Variants in PTPN21 observed in about 807,000 individuals in gnomAD.
PTPN21 encodes the protein tyrosine-protein phosphatase non-receptor type 21.
In PTPN21, 77 loss-of-function variants were observed where a neutral mutation model predicts 131.8. That is an observed-to-expected ratio of 0.58 (90% CI 0.49 to 0.71). PTPN21 has a LOEUF of 0.71. Among genes scored for constraint, PTPN21 ranks in the 30% least tolerant of loss-of-function variants. The pLI, the probability that PTPN21 is intolerant of heterozygous loss-of-function variation, is 0.00. For missense variants in PTPN21, 1,552 were observed against 1,527.1 expected (o/e 1.02, Z -0.27); for synonymous variants, 715 against 621.3 (o/e 1.15, Z -2.24).
Position 88,469,196 on chromosome 14 carries a change from A to C in PTPN21, c.3236-120T>G. ...CTGCAGATAAAGAGCACTGGGTGCC[A>C]GTGAACCAAACCCAACCACAAAGGG... On this transcript the variant is annotated intron_variant, in intron 17 of 18. Coordinates refer to ENST00000556564, the MANE Select transcript of PTPN21 (RefSeq NM_007039.4). This position sits in a 1 kb window ranked among gnomAD's most constrained non-coding sequence, Gnocchi z 4.3. The C allele has an allele frequency of 8.6e-7, 1 of 1,158,024 alleles. No homozygotes were observed. The highest frequency in any genetic ancestry group is 1.2e-6 in the Non-Finnish European group (1 of 832,196). 71.7% of individuals were successfully genotyped at this position (1,158,024 alleles called of 1,614,324 possible).
At chr14:88,539,130 C>A (rs1488118322) in intron 2 of PTPN21, among the ~76,000 whole-genome samples, 1 of 151,704 alleles carries the variant, frequency 6.6e-6, no homozygotes, top group Non-Finnish European at 1.5e-5. Flanking sequence ...GTTGCCCAGG[C>A]TGGAGTGCAA....
chr14:88,474,122 G>T (rs1367244422), intron 13 of PTPN21, among the ~76,000 whole-genome samples: 1 of 75,108 alleles, frequency 1.3e-5, no homozygotes, highest in East Asian at 3.7e-4. Flanking sequence ...TAACAAATCA[G>T]CTGAAGTCCA....
Position 88,469,636 on chromosome 14 carries a change from C to A in PTPN21, c.3098G>T (p.Arg1033Leu), listed in dbSNP as rs752596905. 15 of 1,614,026 alleles carry A rather than the reference C, an allele frequency of 9.3e-6. No individual in the cohort carries two copies. Among genetic ancestry groups the A allele is most frequent in the Non-Finnish European group, 1.3e-5 (15 of 1,180,034 alleles). ...GGTGGCATAGCAGCCAGAGTCTGTG[C>A]GGAACCGGGTCGTGATCTTAAACCT... ...YGRFKITTRF[R>L]TDSGCYATTG... is the part of the protein sequence containing the mutation. Residue 1033 changes from arginine (R) to leucine (L), a missense_variant, in exon 17 of 19, where the codon CGC becomes CTC. By Grantham distance (102) the Arg-to-Leu change is moderately radical. This residue lies in a region of PTPN21 where 316 missense variants were observed against 378.5 expected (regional missense o/e 0.83). Coordinates refer to ENST00000556564, the MANE Select transcript of PTPN21 (RefSeq NM_007039.4). The surrounding 1 kb of genome is among the most constrained non-coding windows in gnomAD (Gnocchi z 4.3).
At chr14:88,476,790 A>G (rs560315388) in intron 13 of PTPN21, among the ~76,000 whole-genome samples, 2 of 152,186 alleles carry the variant, frequency 1.3e-5, no homozygotes, top group Non-Finnish European at 2.9e-5. Flanking sequence ...CCTTAAGTAG[A>G]ATCCTTTAAG....
chr14:88,530,166 C>G (rs2078534774), intron 2 of PTPN21, among the ~76,000 whole-genome samples: 1 of 151,632 alleles, frequency 6.6e-6, no homozygotes, highest in Admixed American at 6.6e-5. Context: ...AATTCTGTAT[C>G]CAGCAAAACC....
At chr14:88,533,874 T>C (rs2078589077) in intron 2 of PTPN21, among the ~76,000 whole-genome samples, 1 of 151,110 alleles carries the variant, frequency 6.6e-6, no homozygotes, top group Non-Finnish European at 1.5e-5. Context: ...CTCTTTCAAA[T>C]AAAAAAAACA....
In PTPN21 at chr14:88,473,780, T is replaced by A. The variant is rs1292688548; in HGVS notation, c.2534A>T (p.Asp845Val). 1 of 1,608,046 alleles carries A rather than the reference T, an allele frequency of 6.2e-7. No homozygotes were observed. The highest frequency in any genetic ancestry group is 8.5e-7 in the Non-Finnish European group (1 of 1,178,640). The change falls in exon 14 of 19, where the codon GAT becomes GTT. Residue 845 changes from aspartate (D) to valine (V), a missense_variant. This residue lies in a region of PTPN21 where 1,016 missense variants were observed against 883.5 expected (regional missense o/e 1.15). Coordinates refer to ENST00000556564, the MANE Select transcript of PTPN21 (RefSeq NM_007039.4). ...PLGGMKKTRVDAKKIGPLKLA... is the reference protein window; with the variant it reads ...PLGGMKKTRVVAKKIGPLKLA... ...TTTAAGAGGACCAATTTTTTTTGCA[T>A]CTACTCGAGTCTTTTTCATTCCCTG...
In PTPN21 at chr14:88,469,425, G is replaced by C; in HGVS notation, c.3235+74C>G. The C allele has an allele frequency of 7.8e-7, 1 of 1,279,566 alleles. No homozygotes were observed. Among genetic ancestry groups the C allele is most frequent in the East Asian group, 2.3e-5 (1 of 43,034 alleles). 79.3% of individuals were successfully genotyped at this position (1,279,566 alleles called of 1,614,324 possible). A position where few individuals can be genotyped will look rare whatever the true frequency, so the allele number is the denominator to read the frequency against. The stretch of plus-strand genomic sequence containing the variant: ...TGAGATAACATAAAGGAAATATTTC[G>C]GAAACATAAATGTTCCTCTCTGTTT... On this transcript the variant is annotated intron_variant, in intron 17 of 18. Transcript: ENST00000556564. This position sits in a 1 kb window ranked among gnomAD's most constrained non-coding sequence, Gnocchi z 4.3.
rs1242230610 is a variant in PTPN21 at position 88,468,258 on chromosome 14, T to C, written c.3404A>G (p.Asp1135Gly). ...CAGCATGTCCAGCACTCTCGGGATG[T>C]CCAGCACCTAGGTTGAGAGAAACGG... ...IACLEHNEVL[D>G]IPRVLDMLRQ... The change falls in exon 19 of 19, where the codon GAC becomes GGC. Residue 1135 changes from aspartate (D) to glycine (G), a missense_variant. Physicochemically the swap from Asp to Gly is moderately conservative, Grantham distance 94 (BLOSUM62 -1). Around this residue, in one of 4 missense-constraint regions of PTPN21, gnomAD observed 316 missense variants for 378.5 expected, o/e 0.83. Coordinates refer to ENST00000556564, the MANE Select transcript of PTPN21 (RefSeq NM_007039.4). 6.3e-7 allele frequency: 1 copy of C among 1,599,872 alleles called. No individual in the cohort carries two copies. The highest frequency in any genetic ancestry group is 2.2e-5 in the East Asian group (1 of 44,738).
chr14:88,511,448 GGATCAC>G (rs1260990959), intron 3 of PTPN21, among the ~76,000 whole-genome samples: 1 of 152,080 alleles, frequency 6.6e-6, no homozygotes, highest in Non-Finnish European at 1.5e-5. Context: ...TGAGGCAGGT[GGATCAC>G]GAGGTCAGAA....
rs139384507 is a variant in PTPN21, at chr14:88,523,548, A to G, written c.181-6287T>C. Among the ~76,000 whole-genome samples, 341 of 152,336 alleles carry G rather than the reference A, an allele frequency of 2.2e-3. 3 individuals carry two copies. Among genetic ancestry groups the G allele is most frequent in the Non-Finnish European group, 1.9e-3 (129 of 68,032 alleles). On this transcript the variant is annotated intron_variant, in intron 2 of 18. Coordinates refer to ENST00000556564, the MANE Select transcript of PTPN21 (RefSeq NM_007039.4). ...CCCTAAGATCAGTAACAAGACAAGG[A>G]TGCCCATGTTCACCACTGCCATTTG...
At chr14:88,495,500 A>C (rs1175656473) in intron 10 of PTPN21, among the ~76,000 whole-genome samples, 1 of 152,162 alleles carries the variant, frequency 6.6e-6, no homozygotes, top group Non-Finnish European at 1.5e-5. Context: ...GTCTCTACTA[A>C]AAATACAAAA....
chr14:88,506,144 A>G (rs1325401345), intron 4 of PTPN21, among the ~76,000 whole-genome samples: 2 of 152,118 alleles, frequency 1.3e-5, no homozygotes, highest in African/African-American at 4.8e-5. Context: ...GTCTGAGACC[A>G]GCCTAGCAAC....
intron 2 of PTPN21, among the ~76,000 whole-genome samples, chr14:88,540,500 A>G (rs2139353865): frequency 6.6e-6 from 1 of 152,332 alleles, no homozygotes; most frequent in Middle Eastern, 3.4e-3. Flanking sequence ...TCCATTGAGC[A>G]CCAAAACTTT....
chr14:88,486,766 C>G (rs896880922), intron 10 of PTPN21, among the ~76,000 whole-genome samples: 5 of 152,006 alleles, frequency 3.3e-5, no homozygotes, highest in African/African-American at 1.2e-4. Flanking sequence ...CACCTGAAGT[C>G]AGGAGTTCGA....
At chr14:88,540,780 A>G (rs887257294) in intron 2 of PTPN21, among the ~76,000 whole-genome samples, 5 of 152,202 alleles carry the variant, frequency 3.3e-5, no homozygotes, top group South Asian at 4.2e-4. Flanking sequence ...CTCCCACCTC[A>G]GCCTCTAGAG....
At chr14:88,520,660 T>C (rs894872072) in intron 2 of PTPN21, among the ~76,000 whole-genome samples, 1 of 152,148 alleles carries the variant, frequency 6.6e-6, no homozygotes, top group Non-Finnish European at 1.5e-5. Context: ...TAGAAAGAGC[T>C]TGATGCTTAA....
At position 88,467,191 on chromosome 14, in the gene PTPN21, A is replaced by T. The variant is rs1173773368; in HGVS notation, c.*946T>A. The T allele has an allele frequency of 6.7e-6, 1 of 149,426 alleles. No homozygotes were observed. The highest frequency in any genetic ancestry group is 6.6e-5 in the Admixed American group (1 of 15,140). 9.3% of individuals were successfully genotyped at this position (149,426 alleles called of 1,614,324 possible). On this transcript the variant is annotated 3_prime_UTR_variant, in exon 19 of 19. Transcript: ENST00000556564. The stretch of plus-strand genomic sequence containing the variant: ...TCATCTTACATACTCTTAGTCCTTA[A>T]TCTCTCCCAAAACGCTTCTCAGCGC...
At chr14:88,474,861 G>C (rs2140089737) in intron 13 of PTPN21, among the ~76,000 whole-genome samples, 1 of 152,268 alleles carries the variant, frequency 6.6e-6, no homozygotes, top group East Asian at 1.9e-4. Flanking sequence ...TGTAATCCTA[G>C]CACTTTGGGA....
Sources: allele counts gnomAD v4.1 joint callset (sites outside exome capture counted in the v4.1 genomes callset), GRCh38; gene constraint gnomAD v4.1.1; regional missense constraint gnomAD v4.1.1; non-coding constraint Gnocchi (gnomAD v3.1); transcripts MANE v1.5; gene names NCBI Gene and HGNC (gene_info 2026-07-23, HGNC 2026-07-21).